Variants in IGLON5 observed in about 807,000 individuals in gnomAD.
IGLON5 encodes Ig-like domain-containing protein ENSP00000270642.
Under a neutral mutation model 38.2 loss-of-function variants are expected in IGLON5, and 16 were observed. The ratio of observed to expected loss-of-function variants is 0.42; its 90% CI spans 0.28 to 0.64. The LOEUF is 0.64. Ranked by LOEUF, IGLON5 falls within the 30% of genes least tolerant of loss-of-function variation. The pLI is 0.23. For missense variants in IGLON5, 366 were observed against 483.4 expected, an observed-to-expected ratio of 0.76 and a Z score of 2.28; for synonymous variants, 207 against 216.4, an observed-to-expected ratio of 0.96 and a Z score of 0.38.
rs556825569 is a variant in IGLON5 at position 51,323,041 on chromosome 19, C to T, written c.159-621C>T. ...TGTCTCTGGGTCTCTGTCCCCCTCT[C>T]TCTGGGTCTTTGTCTCTTTCTCTCT... On this transcript the variant is annotated intron_variant, in intron 2 of 7. Coordinates refer to ENST00000270642, the MANE Select transcript of IGLON5 (RefSeq NM_001101372.3). Among the ~76,000 whole-genome samples the T allele has an allele frequency of 5.3e-5, 8 of 150,216 alleles. No individual in the cohort carries two copies. In the South Asian group the frequency reaches 6.4e-4, roughly 12 times the overall value.
At chr19:51,316,194 A>AG (rs1397375636) in intron 1 of IGLON5, among the ~76,000 whole-genome samples, 1 of 151,362 alleles carries the variant, frequency 6.6e-6, no homozygotes, top group East Asian at 2.0e-4. Flanking sequence ...AAAAAAAAAA[A>AG]AAAAGCCAGG....
At chr19:51,315,911 G>C (rs1984909627) in intron 1 of IGLON5, among the ~76,000 whole-genome samples, 2 of 151,930 alleles carry the variant, frequency 1.3e-5, no homozygotes, top group African/African-American at 4.8e-5. Context: ...AGCCAGGATG[G>C]TCTCGATCTC....
At chr19:51,313,907 T>TGTAGA (rs990670736) in intron 1 of IGLON5, among the ~76,000 whole-genome samples, 1 of 151,658 alleles carries the variant, frequency 6.6e-6, no homozygotes, top group Non-Finnish European at 1.5e-5. Flanking sequence ...TTTTTTTCTT[T>TGTAGA]GTAGAGATGG....
At chr19:51,317,627 G>A (rs1599823429) in intron 1 of IGLON5, among the ~76,000 whole-genome samples, 1 of 152,154 alleles carries the variant, frequency 6.6e-6, no homozygotes, top group African/African-American at 2.4e-5. Flanking sequence ...ATACAGCCCT[G>A]CCCTCCCCGC....
At position 51,327,863 on chromosome 19, in the gene IGLON5, C is replaced by T. The variant is rs1985256538; in HGVS notation, c.899C>T (p.Ser300Phe). The T allele has an allele frequency of 2.6e-6, 4 of 1,535,194 alleles. No individual in the cohort carries two copies. The highest frequency in any genetic ancestry group is 3.5e-6 in the Non-Finnish European group (4 of 1,139,310). ...CGCGCCGCCAACCGACTGGGAGCGT[C>T]CAGCGCCTCCATGCGGCTCCTGCGT... ...TCRAANRLGA[S>F]SASMRLLRPG... The change falls in exon 7 of 8, where the codon TCC becomes TTC. Residue 300 changes from serine to phenylalanine, a missense_variant. Transcript: ENST00000270642. This position sits in a 1 kb window ranked among gnomAD's most constrained non-coding sequence, Gnocchi z 7.1.
rs1471355155 is a variant in IGLON5, at chr19:51,324,392, G to A, written c.391+498G>A. Among the ~76,000 whole-genome samples the A allele has an allele frequency of 1.3e-5, 2 of 152,176 alleles. No individual in the cohort carries two copies. Among genetic ancestry groups the A allele is most frequent in the East Asian group, 1.9e-4 (1 of 5,170 alleles). On this transcript the variant is annotated intron_variant, in intron 3 of 7. Coordinates refer to ENST00000270642, the MANE Select transcript of IGLON5 (RefSeq NM_001101372.3). This position sits in a 1 kb window ranked among gnomAD's most constrained non-coding sequence, Gnocchi z 4.2. ...AGGGAAGTCTCATGAGGCTGGAAGC[G>A]CCAGATCCAGAGCAGGAGAGATGGG...
At position 51,325,717 on chromosome 19, in the gene IGLON5, G is replaced by A. The variant is rs139026875; in HGVS notation, c.511+252G>A. On this transcript the variant is annotated intron_variant, in intron 4 of 7. Transcript: ENST00000270642. This position sits in a 1 kb window ranked among gnomAD's most constrained non-coding sequence, Gnocchi z 5.5. The stretch of plus-strand genomic sequence containing the variant: ...CGTCACTTGCCAAACCCCAGCCTGC[G>A]TCACTTCCCCAACCCCAGTGTCCCC... 1.7e-4 allele frequency among the ~76,000 whole-genome samples: 26 copies of A among 152,186 alleles called. No individual in the cohort carries two copies. The East Asian group carries it at 2.7e-3, about 16-fold the overall frequency.
At chr19:51,320,777 G>A (rs1457610654) in intron 1 of IGLON5, among the ~76,000 whole-genome samples, 2 of 152,174 alleles carry the variant, frequency 1.3e-5, no homozygotes, top group Admixed American at 1.3e-4. Flanking sequence ...TGTGTCTGCA[G>A]GTCTGTTACA....
chr19:51,327,128 G>C lies in IGLON5; in HGVS notation c.695G>C (p.Arg232Pro). Reference protein sequence around the residue: ...DVTSARTALGRAALLRCEAMA... With the variant: ...DVTSARTALGPAALLRCEAMA... ...ACCAGCGCCCGCACCGCGCTGGGCCGGGCCGCCCTCCTGCGCTGCGAAGCC... is the reference window on the plus strand; with the variant it reads ...ACCAGCGCCCGCACCGCGCTGGGCCCGGCCGCCCTCCTGCGCTGCGAAGCC... Residue 232 changes from arginine to proline, a missense_variant, in exon 6 of 8, where the codon CGG becomes CCG. Coordinates refer to ENST00000270642, the MANE Select transcript of IGLON5 (RefSeq NM_001101372.3). This position sits in a 1 kb window ranked among gnomAD's most constrained non-coding sequence, Gnocchi z 7.1. The C allele has an allele frequency of 6.2e-7, 1 of 1,611,874 alleles. No individual in the cohort carries two copies. The highest frequency in any genetic ancestry group is 8.5e-7 in the Non-Finnish European group (1 of 1,179,514).
intron 1 of IGLON5, among the ~76,000 whole-genome samples, chr19:51,320,595 T>C (rs1050743190): frequency 1.3e-5 from 2 of 152,180 alleles, no homozygotes; most frequent in African/African-American, 4.8e-5. Flanking sequence ...CGAGTGGGCA[T>C]GGGCTCACAC....
chr19:51,316,216 G>C (rs185065680), intron 1 of IGLON5, among the ~76,000 whole-genome samples: 1 of 149,086 alleles, frequency 6.7e-6, no homozygotes, highest in Non-Finnish European at 1.5e-5. Flanking sequence ...ATGGTGGCAC[G>C]CACCAGTAGT....
rs774155853 is a variant in IGLON5 at position 51,321,763 on chromosome 19, C to G, written c.80-301C>G. ...TGTAGGTTTGTATGTCCATGGACAC[C>G]TACCCATCTGAGTCTGTGAGTCTGT... On this transcript the variant is annotated intron_variant, in intron 1 of 7. Coordinates refer to ENST00000270642, the MANE Select transcript of IGLON5 (RefSeq NM_001101372.3). Among the ~76,000 whole-genome samples the G allele has an allele frequency of 3.9e-5, 6 of 152,170 alleles. No individual in the cohort carries two copies. In the South Asian group the frequency reaches 1.2e-3, roughly 31 times the overall value.
chr19:51,321,870 A>G (rs1490693118), intron 1 of IGLON5, among the ~76,000 whole-genome samples, 194 bp from the exon 2 acceptor site: 1 of 152,158 alleles, frequency 6.6e-6, no homozygotes, highest in Non-Finnish European at 1.5e-5. Context: ...ACATCAGTGC[A>G]TGTGTGTGGC....
intron 4 of IGLON5, 26 bp from the exon 5 acceptor site, chr19:51,326,738 C>T (rs962450600): frequency 6.5e-7 from 1 of 1,530,174 alleles, no homozygotes. Context: ...TCCGGCCCCG[C>T]CCCCTCCTCC....
rs1985309873 is a variant in IGLON5 at position 51,329,829 on chromosome 19, C to CAA, written c.*1071_*1072insAA. Reference sequence around the variant, plus strand: ...CCACACACACATACACACACACAGACACACACACACACACACACACACACA... The same window carrying CAA: ...CCACACACACATACACACACACAGACAAACACACACACACACACACACACACA... On this transcript the variant is annotated 3_prime_UTR_variant, in exon 8 of 8. Coordinates refer to ENST00000270642, the MANE Select transcript of IGLON5 (RefSeq NM_001101372.3). The surrounding 1 kb of genome is among the most constrained non-coding windows in gnomAD (Gnocchi z 4.3). 1.0e-5 allele frequency: 1 copy of CAA among 99,122 alleles called. No homozygotes were observed. Among genetic ancestry groups the CAA allele is most frequent in the Non-Finnish European group, 1.8e-5 (1 of 55,926 alleles). 6.1% of individuals were successfully genotyped at this position (99,122 alleles called of 1,614,324 possible).
chr19:51,320,320 G>A (rs1170493851), intron 1 of IGLON5, among the ~76,000 whole-genome samples: 1 of 152,224 alleles, frequency 6.6e-6, no homozygotes, highest in Non-Finnish European at 1.5e-5. Flanking sequence ...GCCCCCGGGA[G>A]TCATTGGGGC....
intron 1 of IGLON5, 90 bp from the exon 2 acceptor site, chr19:51,321,974 C>T (rs1985070780): frequency 9.4e-7 from 1 of 1,067,318 alleles, no homozygotes; most frequent in African/African-American, 1.5e-5. Flanking sequence ...TCTGTGTCCA[C>T]AAGGACGTGC....
intron 1 of IGLON5, among the ~76,000 whole-genome samples, chr19:51,316,330 G>A (rs1456381909): frequency 6.9e-6 from 1 of 143,954 alleles, no homozygotes; most frequent in African/African-American, 2.7e-5. Flanking sequence ...GGGTGACACA[G>A]TGGTACCCTG....
In IGLON5 at chr19:51,311,913, C is replaced by A. The variant is rs761207018; in HGVS notation, c.66C>A (p.Ala22=). 9 of 1,361,486 alleles carry A rather than the reference C, an allele frequency of 6.6e-6. No individual in the cohort carries two copies. Among genetic ancestry groups the A allele is most frequent in the South Asian group, 1.7e-5 (1 of 59,074 alleles). 84.3% of individuals were successfully genotyped at this position (1,361,486 alleles called of 1,614,324 possible). A position where few individuals can be genotyped will look rare whatever the true frequency, so the allele number is the denominator to read the frequency against. ...CCGCCGCCGCCCTGGCCGGCTTGGCCGTCATCAGCCGAGGTACCGCAGCGC... is the reference window on the plus strand; with the variant it reads ...CCGCCGCCGCCCTGGCCGGCTTGGCAGTCATCAGCCGAGGTACCGCAGCGC... The part of the protein sequence containing the change: ...LLAAAALAGL[A]VISRGLLSQS... Residue 22 remains alanine, a synonymous_variant, in exon 1 of 8, where the codon GCC becomes GCA. Transcript: ENST00000270642.
Sources: allele counts gnomAD v4.1 joint callset (sites outside exome capture counted in the v4.1 genomes callset), GRCh38; gene constraint gnomAD v4.1.1; non-coding constraint Gnocchi (gnomAD v3.1); transcripts MANE v1.5; gene names NCBI Gene and HGNC (gene_info 2026-07-23, HGNC 2026-07-21).